The following NKAIN2 variants were observed in gnomAD, a reference collection of about 807,000 sequenced individuals.
NKAIN2 encodes sodium/potassium transporting ATPase interacting 2.
Under a neutral mutation model 32.6 loss-of-function variants are expected in NKAIN2, and 14 were observed. The ratio of observed to expected loss-of-function variants is 0.43; its 90% CI spans 0.28 to 0.67. The LOEUF is 0.67. NKAIN2 is among the 30% of genes least tolerant of loss of function. The pLI, the probability that NKAIN2 is intolerant of heterozygous loss-of-function variation, is 0.17. For synonymous variants in NKAIN2, 80 were observed against 87.2 expected (o/e 0.92, Z 0.46); for missense variants, 198 against 258.3 (o/e 0.77, Z 1.60).
intron 3 of NKAIN2, among the ~76,000 whole-genome samples, chr6:124,449,995 T>C (rs1776036096): frequency 6.6e-6 from 1 of 152,120 alleles, no homozygotes; most frequent in Admixed American, 6.6e-5. Flanking sequence ...AATTTGACTT[T>C]CAATGGATGC....
chr6:123,913,898 AT>A (rs2114467544), intron 1 of NKAIN2, among the ~76,000 whole-genome samples: 1 of 152,272 alleles, frequency 6.6e-6, no homozygotes, highest in South Asian at 2.1e-4. Context: ...CATCTTTTAA[AT>A]GAAGAGTTTA....
chr6:124,014,611 C>G (rs73770303), intron 1 of NKAIN2, among the ~76,000 whole-genome samples: 3,447 of 151,960 alleles, frequency 0.023, 123 homozygotes, highest in African/African-American at 0.079. Flanking sequence ...GCCTCCCTTT[C>G]TTTCTTCACA....
At chr6:123,919,847 G>A (rs1384077073) in intron 1 of NKAIN2, among the ~76,000 whole-genome samples, 3 of 152,052 alleles carry the variant, frequency 2.0e-5, no homozygotes, top group East Asian at 1.9e-4. Flanking sequence ...TTGATAAAGA[G>A]CCTGGCTACC....
chr6:124,485,061 A>G (rs1172550512), intron 3 of NKAIN2, among the ~76,000 whole-genome samples: 1 of 152,120 alleles, frequency 6.6e-6, no homozygotes, highest in African/African-American at 2.4e-5. Context: ...TTCAGCTCTT[A>G]CTCATGCCTT....
intron 3 of NKAIN2, among the ~76,000 whole-genome samples, chr6:124,565,413 G>T (rs1463231661): frequency 6.6e-6 from 1 of 152,054 alleles, no homozygotes; most frequent in Non-Finnish European, 1.5e-5. Flanking sequence ...CCAAACAAAG[G>T]AAATCAGTGG....
At chr6:123,883,794 C>T (rs2114340976) in intron 1 of NKAIN2, among the ~76,000 whole-genome samples, 1 of 145,176 alleles carries the variant, frequency 6.9e-6, no homozygotes, top group East Asian at 2.1e-4. Flanking sequence ...ACTCGGGAAG[C>T]TGGGGCAGGA....
chr6:124,138,386 G>A (rs1786940746), intron 1 of NKAIN2, among the ~76,000 whole-genome samples: 1 of 152,082 alleles, frequency 6.6e-6, no homozygotes, highest in South Asian at 2.1e-4. Context: ...CTACACTGCT[G>A]GTGGGAATGT....
chr6:123,819,813 G>T (rs1773850177), intron 1 of NKAIN2, among the ~76,000 whole-genome samples: 1 of 152,294 alleles, frequency 6.6e-6, no homozygotes, highest in African/African-American at 2.4e-5. Flanking sequence ...AGAATGCAAA[G>T]CTGGAAAGCA....
chr6:123,926,380 T>C (rs1776003669), intron 1 of NKAIN2, among the ~76,000 whole-genome samples: 1 of 152,164 alleles, frequency 6.6e-6, no homozygotes, highest in African/African-American at 2.4e-5. Context: ...GTCTTAAACC[T>C]AAGTCTTCAC....
At chr6:124,420,506 A>AG (rs1222735797) in intron 3 of NKAIN2, among the ~76,000 whole-genome samples, 3 of 152,188 alleles carry the variant, frequency 2.0e-5, no homozygotes, top group African/African-American at 2.4e-5. Context: ...ATAAAGCTAT[A>AG]GGGTGATTTC....
intron 1 of NKAIN2, among the ~76,000 whole-genome samples, chr6:123,886,501 G>C (rs796487999): frequency 7.0e-4 from 107 of 152,184 alleles, no homozygotes; most frequent in African/African-American, 2.4e-3. Context: ...GGAAAATGCA[G>C]AATGCATCAA....
chr6:124,308,035 A>G (rs1796576507), intron 2 of NKAIN2, among the ~76,000 whole-genome samples: 3 of 152,174 alleles, frequency 2.0e-5, no homozygotes. Context: ...TAGGTTTGTT[A>G]CATAGGTATA....
chr6:124,813,439 C>T (rs2114865743), intron 5 of NKAIN2, among the ~76,000 whole-genome samples: 1 of 152,108 alleles, frequency 6.6e-6, no homozygotes, highest in East Asian at 1.9e-4. Context: ...GAACTCAAAG[C>T]AAGAACTTAA....
intron 1 of NKAIN2, among the ~76,000 whole-genome samples, chr6:123,866,464 T>G (rs1481427615): frequency 3.3e-5 from 5 of 152,130 alleles, no homozygotes; most frequent in Non-Finnish European, 5.9e-5. Flanking sequence ...GGAGTCTCGC[T>G]CTGTCGTCCA....
At chr6:124,485,359 G>T (rs1420279104) in intron 3 of NKAIN2, among the ~76,000 whole-genome samples, 3 of 151,970 alleles carry the variant, frequency 2.0e-5, no homozygotes, top group African/African-American at 7.3e-5. Flanking sequence ...ACCAACAAAT[G>T]ATAAGTAGTT....
At chr6:124,542,382 A>C (rs1779943996) in intron 3 of NKAIN2, among the ~76,000 whole-genome samples, 2 of 152,158 alleles carry the variant, frequency 1.3e-5, no homozygotes, top group South Asian at 4.1e-4. Flanking sequence ...TTTTAATGTA[A>C]ATTATTTCAT....
rs143672415 is a variant in NKAIN2, at chr6:123,908,061, G to T, written c.54+103807G>T. Among the ~76,000 whole-genome samples, 5 of 152,238 alleles carry T rather than the reference G, an allele frequency of 3.3e-5. No individual in the cohort carries two copies. In the East Asian group the frequency reaches 7.7e-4, roughly 24 times the overall value. On this transcript the variant is annotated intron_variant, in intron 1 of 6. Coordinates refer to ENST00000368417, the MANE Select transcript of NKAIN2 (RefSeq NM_001040214.3). Reference sequence around the variant, plus strand: ...GTGTTTTAAGTGGCAATTAACATGTGTTGTAGCAACAATGCCCATAGCTTA... The same window carrying T: ...GTGTTTTAAGTGGCAATTAACATGTTTTGTAGCAACAATGCCCATAGCTTA...
chr6:123,814,751 A>G (rs183227337), intron 1 of NKAIN2, among the ~76,000 whole-genome samples: 2 of 152,294 alleles, frequency 1.3e-5, no homozygotes, highest in Admixed American at 6.5e-5. Context: ...GGGTCATTGC[A>G]TATTTCCTAC....
intron 3 of NKAIN2, among the ~76,000 whole-genome samples, chr6:124,538,812 A>G (rs1400475676): frequency 6.6e-6 from 1 of 152,132 alleles, no homozygotes; most frequent in Non-Finnish European, 1.5e-5. Flanking sequence ...CGCTCGGTTT[A>G]ACTAGACTTT....
Sources: allele counts gnomAD v4.1 joint callset (sites outside exome capture counted in the v4.1 genomes callset), GRCh38; gene constraint gnomAD v4.1.1; transcripts MANE v1.5; gene names NCBI Gene and HGNC (gene_info 2026-07-23, HGNC 2026-07-21).